The following IDE variants were observed in gnomAD, a reference collection of about 807,000 sequenced individuals.
IDE encodes the protein insulin degrading enzyme, also known as insulin-degrading enzyme.
In IDE, 58 loss-of-function variants were observed where a neutral mutation model predicts 133.2. That is an observed-to-expected ratio of 0.44 (90% confidence interval 0.35 to 0.54). The LOEUF (loss-of-function observed/expected upper bound fraction) is 0.54. Among genes scored for constraint, IDE ranks in the 20% least tolerant of loss-of-function variants. IDE has a pLI of 0.00. For synonymous variants in IDE, 396 were observed against 421.3 expected (o/e 0.94, Z 0.73); for missense variants, 981 against 1,234.0 (o/e 0.79, Z 3.07).
intron 15 of IDE, 24 bp downstream of exon 15, chr10:92,479,253 A>G: frequency 6.5e-7 from 1 of 1,541,928 alleles, no homozygotes; most frequent in Admixed American, 1.8e-5. Flanking sequence ...GATGAGTGGA[A>G]GGCTCTAAGG....
intron 1 of IDE, among the ~76,000 whole-genome samples, chr10:92,568,505 G>A (rs1843652148): frequency 6.6e-6 from 1 of 152,078 alleles, no homozygotes. Context: ...GAAAACTAAG[G>A]AAATTGTTAT....
intron 11 of IDE, among the ~76,000 whole-genome samples, chr10:92,491,593 C>T (rs796188199): frequency 2.1e-4 from 31 of 149,904 alleles, no homozygotes; most frequent in Non-Finnish European, 2.8e-4. Flanking sequence ...CCCGCCACCA[C>T]GCCTGGCTAA....
At chr10:92,478,543 C>G (rs1846410188) in intron 15 of IDE, 1 of 600,466 alleles carries the variant, frequency 1.7e-6, no homozygotes. Context: ...GGAAAAAAAC[C>G]ATTAACTTTC....
chr10:92,563,623 C>T (rs995014785), intron 1 of IDE, among the ~76,000 whole-genome samples: 10 of 151,736 alleles, frequency 6.6e-5, no homozygotes, highest in East Asian at 1.9e-4. Context: ...TGGTGGCACG[C>T]GCCTGTAGTC....
At chr10:92,464,144 C>T (rs932248831) in intron 20 of IDE, 141 bp from the exon 21 acceptor site, 6 of 797,174 alleles carry the variant, frequency 7.5e-6, no homozygotes, top group African/African-American at 1.7e-5. Flanking sequence ...AATATGAGCA[C>T]TTAAGATGGT....
chr10:92,486,737 C>T (rs187836606), intron 13 of IDE, among the ~76,000 whole-genome samples: 11 of 152,276 alleles, frequency 7.2e-5, no homozygotes, highest in Admixed American at 6.5e-4. Context: ...TTTATCATTC[C>T]ATTAATTTGA....
intron 11 of IDE, among the ~76,000 whole-genome samples, chr10:92,493,425 T>C (rs1847488879): frequency 6.8e-6 from 1 of 146,888 alleles, no homozygotes; most frequent in African/African-American, 2.5e-5. Flanking sequence ...AGGGTCTCAC[T>C]CTGACACCCA....
At chr10:92,556,179 CAAAAAA>C (rs60008680) in intron 1 of IDE, among the ~76,000 whole-genome samples, 6 of 69,210 alleles carry the variant, frequency 8.7e-5, no homozygotes, top group East Asian at 4.9e-4. Flanking sequence ...GACTCCGTCT[CAAAAAA>C]AAAAAAAAAA....
In IDE at chr10:92,570,888, C is replaced by T. The variant is rs1564690443; in HGVS notation, c.98+3034G>A. ...CTGAGATCACATCACTGCACTCCAGCCTGGGCGACAGAGTGAAACCCTGTC... is the reference window on the plus strand; with the variant it reads ...CTGAGATCACATCACTGCACTCCAGTCTGGGCGACAGAGTGAAACCCTGTC... On this transcript the variant is annotated intron_variant, in intron 1 of 24. Transcript: ENST00000265986. Among the ~76,000 whole-genome samples, 3 of 151,966 alleles carry T rather than the reference C, an allele frequency of 2.0e-5. No homozygotes were observed. In the South Asian group the frequency reaches 6.2e-4, roughly 32 times the overall value.
chr10:92,539,837 T>TAG (rs1474650801), intron 1 of IDE, among the ~76,000 whole-genome samples: 2 of 152,014 alleles, frequency 1.3e-5, no homozygotes, highest in African/African-American at 2.4e-5. Flanking sequence ...ACGATGAAAA[T>TAG]ATCTGAGTGC....
intron 1 of IDE, among the ~76,000 whole-genome samples, chr10:92,548,237 G>A (rs1842614334): frequency 6.6e-6 from 1 of 151,868 alleles, no homozygotes; most frequent in Non-Finnish European, 1.5e-5. Context: ...TCAGACTCCT[G>A]TAATCCCAGC....
At chr10:92,462,977 G>A (rs1004992142) in intron 21 of IDE, among the ~76,000 whole-genome samples, 9 of 152,186 alleles carry the variant, frequency 5.9e-5, no homozygotes, top group South Asian at 2.1e-4. Flanking sequence ...CAGGAGAATC[G>A]CTTGAGCCTA....
chr10:92,498,984 T>A (rs780860999), intron 11 of IDE, among the ~76,000 whole-genome samples: 21 of 152,244 alleles, frequency 1.4e-4, no homozygotes, highest in African/African-American at 5.1e-4. Flanking sequence ...CCTGGAAATA[T>A]AGGTACACTG....
rs532283182 is a variant in IDE at position 92,462,861 on chromosome 10, G to A, written c.2761+870C>T. ...GGTACACGGCAAATGCTCAATAAAT[G>A]AGAGACAGTATTATCATTAATAGTG... On this transcript the variant is annotated intron_variant, in intron 21 of 24. Transcript: ENST00000265986. Among the ~76,000 whole-genome samples the A allele has an allele frequency of 5.3e-5, 8 of 152,270 alleles. No homozygotes were observed. In the South Asian group the frequency reaches 1.0e-3, roughly 20 times the overall value.
At chr10:92,481,857 A>G (rs1171973420) in intron 14 of IDE, among the ~76,000 whole-genome samples, 1 of 152,254 alleles carries the variant, frequency 6.6e-6, no homozygotes, top group African/African-American at 2.4e-5. Context: ...GGGTAGTCTA[A>G]AGAAATTCAT....
At chr10:92,509,593 A>C (rs1478065775) in intron 6 of IDE, among the ~76,000 whole-genome samples, 1 of 151,352 alleles carries the variant, frequency 6.6e-6, no homozygotes, top group Non-Finnish European at 1.5e-5. Context: ...ACTCCATGTC[A>C]AAAAAACCAA....
At chr10:92,514,011 C>G (rs996718563) in intron 5 of IDE, among the ~76,000 whole-genome samples, 1 of 152,094 alleles carries the variant, frequency 6.6e-6, no homozygotes, top group Admixed American at 6.6e-5. Flanking sequence ...ATTATAAAAT[C>G]AGTATTTAGC....
Position 92,451,885 on chromosome 10 carries a change from T to TAG in IDE, c.*2557_*2558dup, listed in dbSNP as rs1435658443. The TAG allele has an allele frequency of 1.3e-5, 2 of 152,258 alleles. No homozygotes were observed. Among genetic ancestry groups the TAG allele is most frequent in the Non-Finnish European group, 2.9e-5 (2 of 68,040 alleles). The allele number at this position is 152,258 out of a possible 1,614,324, so 9.4% of individuals were successfully genotyped here. On this transcript the variant is annotated 3_prime_UTR_variant, in exon 25 of 25. Coordinates refer to ENST00000265986, the MANE Select transcript of IDE (RefSeq NM_004969.4). ...GGCAAGAAGATGTAAGGACTCATTG[T>TAG]AGAGGAGAGAAATATTTTTTCTATC...
At chr10:92,478,131 G>C (rs1440839570) in intron 15 of IDE, among the ~76,000 whole-genome samples, 1 of 152,116 alleles carries the variant, frequency 6.6e-6, no homozygotes, top group Non-Finnish European at 1.5e-5. Flanking sequence ...CCAAAGAAAG[G>C]ATCTAGTTAT....
Sources: gnomAD v4.1 joint callset for allele counts (sites outside exome capture counted in the v4.1 genomes callset) on GRCh38, gnomAD v4.1.1 for gene constraint, MANE v1.5 for transcripts, NCBI Gene and HGNC (gene_info 2026-07-23, HGNC 2026-07-21) for gene names.